The following TMEM117 variants were observed in gnomAD, a reference collection of about 807,000 sequenced individuals.
TMEM117 encodes transmembrane protein 117.
In TMEM117, 27 loss-of-function variants were observed where a neutral mutation model predicts 52.4. That is an observed-to-expected ratio of 0.51 (90% CI 0.38 to 0.71). The LOEUF (loss-of-function observed/expected upper bound fraction) is 0.71, where lower values mean the gene tolerates loss of function less well. Ranked by LOEUF, TMEM117 falls within the 30% of genes least tolerant of loss-of-function variation. The pLI is 0.00. For missense variants in TMEM117, 556 were observed against 630.5 expected (o/e 0.88, Z 1.26); for synonymous variants, 215 against 206.3 (o/e 1.04, Z -0.36).
chr12:43,922,004 A>G (rs11182330), intron 2 of TMEM117, among the ~76,000 whole-genome samples: 1 of 152,234 alleles, frequency 6.6e-6, no homozygotes, highest in East Asian at 1.9e-4. Flanking sequence ...TAAAAGTCCT[A>G]AAGCTTCTTT....
chr12:44,102,549 C>T (rs1947880340), intron 3 of TMEM117, among the ~76,000 whole-genome samples: 1 of 151,624 alleles, frequency 6.6e-6, no homozygotes, highest in Non-Finnish European at 1.5e-5. Context: ...CTTTTTCTTC[C>T]ATTTGTTCTC....
chr12:43,983,547 CGT>C (rs748259406), intron 3 of TMEM117, among the ~76,000 whole-genome samples: 22,344 of 109,872 alleles, frequency 0.2, 1,905 homozygotes, highest in East Asian at 0.27. Context: ...TTGCACCAAC[CGT>C]GTGTGTGTGT....
At chr12:44,196,612 T>C (rs947044450) in intron 4 of TMEM117, among the ~76,000 whole-genome samples, 2 of 152,242 alleles carry the variant, frequency 1.3e-5, no homozygotes, top group Admixed American at 6.5e-5. Flanking sequence ...ATTTCACTTA[T>C]ATCTTAAATA....
At chr12:43,823,734 G>C in the TMEM117 span, among the ~76,000 whole-genome samples, 1 of 151,748 alleles carries the variant, frequency 6.6e-6, no homozygotes, top group Non-Finnish European at 1.5e-5. Context: ...GGATGGTCTC[G>C]ATCTGTTGAC....
chr12:43,988,040 A>G (rs749861171), intron 3 of TMEM117, among the ~76,000 whole-genome samples: 1 of 152,144 alleles, frequency 6.6e-6, no homozygotes, highest in East Asian at 1.9e-4. Context: ...CTAAAATAAT[A>G]TATTTCTTTT....
At chr12:43,921,757 G>GTT (rs1244804708) in intron 2 of TMEM117, among the ~76,000 whole-genome samples, 1 of 152,124 alleles carries the variant, frequency 6.6e-6, no homozygotes, top group Non-Finnish European at 1.5e-5. Flanking sequence ...GGAAGGAAAA[G>GTT]TTTTTATGTT....
chr12:44,060,428 G>A (rs1219375510), intron 3 of TMEM117, among the ~76,000 whole-genome samples: 1 of 152,084 alleles, frequency 6.6e-6, no homozygotes, highest in Non-Finnish European at 1.5e-5. Flanking sequence ...TGGCAAGAGG[G>A]CCCTCAAGAA....
At chr12:44,288,152 G>A (rs1950659833) in intron 5 of TMEM117, among the ~76,000 whole-genome samples, 1 of 151,082 alleles carries the variant, frequency 6.6e-6, no homozygotes, top group Non-Finnish European at 1.5e-5. Context: ...AAAACAAATG[G>A]CATGCAATAC....
intron 6 of TMEM117, among the ~76,000 whole-genome samples, chr12:44,351,414 G>A (rs928420762): frequency 6.6e-6 from 1 of 151,722 alleles, no homozygotes; most frequent in African/African-American, 2.4e-5. Context: ...GCAGGGTATT[G>A]CTCAAGAAAA....
intron 4 of TMEM117, among the ~76,000 whole-genome samples, chr12:44,168,566 C>A (rs938523901): frequency 2.0e-5 from 3 of 152,072 alleles, no homozygotes; most frequent in Non-Finnish European, 2.9e-5. Context: ...GACATTTAGG[C>A]TCTTTCTTGT....
At chr12:44,278,262 G>C (rs936883740) in intron 5 of TMEM117, among the ~76,000 whole-genome samples, 1 of 152,096 alleles carries the variant, frequency 6.6e-6, no homozygotes, top group Admixed American at 6.5e-5. Context: ...GAGATTACAC[G>C]AGAGCAAGCA....
chr12:44,252,855 C>T (rs1459906810), intron 5 of TMEM117, among the ~76,000 whole-genome samples: 1 of 152,084 alleles, frequency 6.6e-6, no homozygotes, highest in African/African-American at 2.4e-5. Context: ...CAGTCCCACT[C>T]CTGTCCAGGA....
At position 44,170,060 on chromosome 12, in the gene TMEM117, A is replaced by G. The variant is rs529817607; in HGVS notation, c.510+26436A>G. Among the ~76,000 whole-genome samples the G allele has an allele frequency of 9.2e-3, 1,403 of 152,240 alleles. 26 individuals carry two copies. The highest frequency in any genetic ancestry group is 0.031 in the African/African-American group (1,308 of 41,524). ...GAACCAACCCAAATGCCCATCAATG[A>G]TAGAATGGATTAAGAAAATGTGGCA... On this transcript the variant is annotated intron_variant, in intron 4 of 7. Transcript: ENST00000266534.
intron 3 of TMEM117, among the ~76,000 whole-genome samples, chr12:44,007,323 A>T (rs1358492498): frequency 6.6e-6 from 1 of 152,030 alleles, no homozygotes; most frequent in Non-Finnish European, 1.5e-5. Context: ...AGAGTTTCTG[A>T]CCTGTATCAT....
chr12:44,367,310 A>G (rs573726360), intron 6 of TMEM117, among the ~76,000 whole-genome samples: 1 of 152,216 alleles, frequency 6.6e-6, no homozygotes, highest in African/African-American at 2.4e-5. Flanking sequence ...CAAAGGTCTT[A>G]TCAATATCAA....
upstream of TMEM117, among the ~76,000 whole-genome samples, chr12:43,835,154 G>C (rs931583506): frequency 1.3e-5 from 2 of 152,142 alleles, no homozygotes; most frequent in Non-Finnish European, 2.9e-5. Flanking sequence ...GGTAAACTGA[G>C]GTAGCAGTTG....
intron 5 of TMEM117, among the ~76,000 whole-genome samples, chr12:44,218,116 C>G (rs1235555755): frequency 2.6e-5 from 4 of 151,952 alleles, no homozygotes; most frequent in African/African-American, 4.8e-5. Context: ...CCCATCTACT[C>G]AGGAGGCTGA....
At chr12:44,090,781 T>A (rs1451908043) in intron 3 of TMEM117, among the ~76,000 whole-genome samples, 1 of 151,708 alleles carries the variant, frequency 6.6e-6, no homozygotes, top group Non-Finnish European at 1.5e-5. Context: ...TAATTCCTCT[T>A]TACTTCCATT....
At chr12:43,932,688 A>G (rs1944890524) in intron 2 of TMEM117, among the ~76,000 whole-genome samples, 1 of 152,220 alleles carries the variant, frequency 6.6e-6, no homozygotes, top group Non-Finnish European at 1.5e-5. Context: ...TTACTAAGGG[A>G]TTAAAAAGCA....
Sources: gnomAD v4.1 joint callset for allele counts (sites outside exome capture counted in the v4.1 genomes callset) on GRCh38, gnomAD v4.1.1 for gene constraint, MANE v1.5 for transcripts, NCBI Gene and HGNC (gene_info 2026-07-23, HGNC 2026-07-21) for gene names.